The following UBR1 variants were observed in gnomAD, a reference collection of about 807,000 sequenced individuals.
UBR1 encodes the protein E3 ubiquitin-protein ligase UBR1.
UBR1 carries 102 observed loss-of-function variants against 242.1 expected under a neutral mutation model. The ratio of observed to expected loss-of-function variants is 0.42; its 90% CI spans 0.36 to 0.50. The LOEUF is 0.50. UBR1 is among the 20% of genes least tolerant of loss of function. The pLI, the probability that UBR1 is intolerant of heterozygous loss-of-function variation, is 0.01. For synonymous variants in UBR1, 675 were observed against 684.8 expected (o/e 0.99, Z 0.22); for missense variants, 1,772 against 2,101.8 (o/e 0.84, Z 3.07).
At chr15:43,087,416 A>C (rs951259202) in intron 1 of UBR1, among the ~76,000 whole-genome samples, 1 of 152,136 alleles carries the variant, frequency 6.6e-6, no homozygotes, top group Non-Finnish European at 1.5e-5. Flanking sequence ...AAAAAAAAAT[A>C]AAATAAAATA....
At chr15:43,071,488 T>C (rs1205527917) in intron 4 of UBR1, among the ~76,000 whole-genome samples, 2 of 151,918 alleles carry the variant, frequency 1.3e-5, no homozygotes, top group Non-Finnish European at 2.9e-5. Flanking sequence ...GGGTAAAGAG[T>C]TTCAGTGTCA....
rs1280034436 is a variant in UBR1 at position 43,005,566 on chromosome 15, C to T, written c.3415+1513G>A. Among the ~76,000 whole-genome samples the T allele has an allele frequency of 2.6e-5, 4 of 152,158 alleles. No individual in the cohort carries two copies. In the East Asian group the frequency reaches 5.8e-4, roughly 22 times the overall value. ...CTGGGAAGTGAGGAGCCCCTCTGCC[C>T]GGCCACCACCCCGTCTGGGAGGTGT... On this transcript the variant is annotated intron_variant, in intron 30 of 46. Coordinates refer to ENST00000290650, the MANE Select transcript of UBR1 (RefSeq NM_174916.3).
At chr15:43,076,194 C>A (rs1319803954) in intron 3 of UBR1, among the ~76,000 whole-genome samples, 2 of 150,146 alleles carry the variant, frequency 1.3e-5, no homozygotes, top group African/African-American at 4.9e-5. Context: ...GTTGGCCGGG[C>A]CAGTCTCCAG....
intron 1 of UBR1, among the ~76,000 whole-genome samples, chr15:43,089,245 C>A (rs943871364): frequency 6.6e-6 from 1 of 151,784 alleles, no homozygotes; most frequent in Non-Finnish European, 1.5e-5. Context: ...GTAATCCCAG[C>A]ACTTTGGGAG....
intron 6 of UBR1, among the ~76,000 whole-genome samples, chr15:43,060,640 G>T (rs2033672233): frequency 6.6e-6 from 1 of 151,974 alleles, no homozygotes; most frequent in Admixed American, 6.6e-5. Flanking sequence ...TTTTCTATAT[G>T]TGCCATGTGA....
At chr15:43,044,433 T>C (rs2141323899) in intron 14 of UBR1, among the ~76,000 whole-genome samples, 1 of 152,266 alleles carries the variant, frequency 6.6e-6, no homozygotes, top group East Asian at 1.9e-4. Flanking sequence ...ATATTTGAGA[T>C]AAGGAAGAAT....
intron 15 of UBR1, among the ~76,000 whole-genome samples, chr15:43,041,171 T>G (rs1326062417): frequency 1.3e-5 from 2 of 152,132 alleles, no homozygotes; most frequent in Non-Finnish European, 2.9e-5. Flanking sequence ...CTATTCACAA[T>G]AGCAAAGACT....
At position 42,976,618 on chromosome 15, in the gene UBR1, G is replaced by T. The variant is rs2032292624; in HGVS notation, c.4369+99C>A. ...ATCATTCAACAAAAAACATAACACA[G>T]AACCTAGAAATACATTATATAATCA... On this transcript the variant is annotated intron_variant, in intron 39 of 46. Coordinates refer to ENST00000290650, the MANE Select transcript of UBR1 (RefSeq NM_174916.3). 7.7e-6 allele frequency: 11 copies of T among 1,427,738 alleles called. No homozygotes were observed. The South Asian group carries it at 9.4e-5, about 12-fold the overall frequency. The allele number at this position is 1,427,738 out of a possible 1,614,324, so 88.4% of individuals were successfully genotyped here.
intron 41 of UBR1, 40 bp from the exon 42 acceptor site, chr15:42,964,083 C>G (rs1339674271): frequency 1.5e-6 from 2 of 1,341,704 alleles, no homozygotes; most frequent in African/African-American, 2.9e-5. Context: ...GCACATTATT[C>G]TTACCTGGTC....
intron 27 of UBR1, among the ~76,000 whole-genome samples, chr15:43,019,706 C>T (rs1050137708): frequency 6.6e-6 from 1 of 151,180 alleles, no homozygotes; most frequent in Admixed American, 6.6e-5. Flanking sequence ...CCTCAGCCTC[C>T]TGAGTAGCTG....
intron 14 of UBR1, among the ~76,000 whole-genome samples, chr15:43,045,241 T>C (rs1461784893): frequency 1.3e-5 from 2 of 151,896 alleles, no homozygotes; most frequent in African/African-American, 2.4e-5. Context: ...AGAGAATCAC[T>C]TGGAAGTGAG....
At position 43,059,701 on chromosome 15, in the gene UBR1, C is replaced by A; in HGVS notation, c.985+1G>T. The A allele has an allele frequency of 6.2e-7, 1 of 1,613,504 alleles. No homozygotes were observed. The highest frequency in any genetic ancestry group is 8.5e-7 in the Non-Finnish European group (1 of 1,179,812). ...ACAAGAAAAACAGGAGGTATGCTTA[C>A]TTGAATAGCTCATAATTTTGTTCAT... On this transcript the variant is annotated splice_donor_variant, in intron 8 of 46. Transcript: ENST00000290650. LOFTEE classifies it high-confidence loss of function.
At chr15:43,031,183 C>T (rs1019689909) in intron 20 of UBR1, among the ~76,000 whole-genome samples, 4 of 151,082 alleles carry the variant, frequency 2.6e-5, no homozygotes, top group African/African-American at 9.7e-5. Context: ...ATTTTTTAAA[C>T]AAAAATGTTG....
rs117347505 is a variant in UBR1, at chr15:42,993,718, C to T, written c.3758-3598G>A. Among the ~76,000 whole-genome samples the T allele has an allele frequency of 4.1e-3, 622 of 151,756 alleles. 6 individuals are homozygous for T. The highest frequency in any genetic ancestry group is 0.037 in the East Asian group (190 of 5,150). The stretch of plus-strand genomic sequence containing the variant: ...TGACAAGCCAGGTGTTGGTGGCGGG[C>T]AACCAACTACTCAGGAGGCTGAGGC... On this transcript the variant is annotated intron_variant, in intron 33 of 46. Transcript: ENST00000290650.
chr15:42,952,990 C>G (rs2031859889), intron 44 of UBR1, among the ~76,000 whole-genome samples: 1 of 151,554 alleles, frequency 6.6e-6, no homozygotes. Context: ...ATGGCATGAT[C>G]TCGGCTCACT....
chr15:42,976,857 A>C lies in UBR1; in HGVS notation c.4229T>G (p.Val1410Gly). 3.1e-6 allele frequency: 5 copies of C among 1,613,760 alleles called. No individual in the cohort carries two copies. Among genetic ancestry groups the C allele is most frequent in the Non-Finnish European group, 4.2e-6 (5 of 1,179,794 alleles). ...IDLFHVLVGA[V>G]LAFPSLYWDD... Reference sequence around the variant, plus strand: ...CCAATACAAGGATGGGAATGCTAACACAGCACCCACCTATGAGAGAAAAAT... The same window carrying C: ...CCAATACAAGGATGGGAATGCTAACCCAGCACCCACCTATGAGAGAAAAAT... The change falls in exon 39 of 47, where the codon GTG becomes GGG. Residue 1410 changes from valine to glycine, a missense_variant. Around this residue, in one of 3 missense-constraint regions of UBR1, gnomAD observed 965 missense variants for 1,079.7 expected, o/e 0.89. Coordinates refer to ENST00000290650, the MANE Select transcript of UBR1 (RefSeq NM_174916.3).
At chr15:42,967,669 T>G (rs2032130967) in intron 40 of UBR1, among the ~76,000 whole-genome samples, 1 of 151,816 alleles carries the variant, frequency 6.6e-6, no homozygotes, top group Non-Finnish European at 1.5e-5. Context: ...AAATGGTACC[T>G]CCCTAATGCA....
chr15:43,021,900 C>T lies in UBR1; in HGVS notation c.2840-525G>A, dbSNP rs59640573. On this transcript the variant is annotated intron_variant, in intron 26 of 46. Transcript: ENST00000290650. ...TGCAATTATATGAAGTACTGGATTACAATGATATGATCTACTAAATTTAAA... is the reference window on the plus strand; with the variant it reads ...TGCAATTATATGAAGTACTGGATTATAATGATATGATCTACTAAATTTAAA... Among the ~76,000 whole-genome samples the T allele has an allele frequency of 8.0e-3, 1,219 of 152,268 alleles. 15 individuals are homozygous for T. Among genetic ancestry groups the T allele is most frequent in the African/African-American group, 0.026 (1,100 of 41,564 alleles).
intron 11 of UBR1, among the ~76,000 whole-genome samples, chr15:43,055,975 C>T (rs1398351143): frequency 1.3e-5 from 2 of 152,178 alleles, no homozygotes; most frequent in Non-Finnish European, 2.9e-5. Context: ...TTCCACTCTC[C>T]TCCCAGGCCT....
Sources: gnomAD v4.1 joint callset for allele counts (sites outside exome capture counted in the v4.1 genomes callset) on GRCh38, gnomAD v4.1.1 for gene constraint, gnomAD v4.1.1 regional missense constraint, MANE v1.5 for transcripts, NCBI Gene and HGNC (gene_info 2026-07-23, HGNC 2026-07-21) for gene names.